Variants in LINGO1 observed in about 807,000 individuals in gnomAD.
The protein encoded by LINGO1 is leucine-rich repeat and immunoglobulin-like domain-containing nogo receptor-interacting protein 1.
LINGO1 carries 11 observed loss-of-function variants against 37.3 expected under a neutral mutation model. The observed-to-expected ratio is 0.29, with a 90% CI of 0.19 to 0.49. LINGO1 has a LOEUF of 0.49. Ranked by LOEUF, LINGO1 falls within the 20% of genes least tolerant of loss-of-function variation. The pLI, the probability that LINGO1 is intolerant of heterozygous loss-of-function variation, is 0.99. For missense variants in LINGO1, 585 were observed against 878.2 expected, an observed-to-expected ratio of 0.67 and a Z score of 4.22; for synonymous variants, 387 against 403.0, an observed-to-expected ratio of 0.96 and a Z score of 0.48.
chr15:77,809,556 A>AT (rs1160486275), intron 1 of LINGO1, among the ~76,000 whole-genome samples: 1 of 152,050 alleles, frequency 6.6e-6, no homozygotes. Flanking sequence ...CCCCGACCCG[A>AT]TTCCTGGACT....
chr15:77,815,550 A>T (rs2077040707), intron 1 of LINGO1, among the ~76,000 whole-genome samples: 1 of 152,230 alleles, frequency 6.6e-6, no homozygotes, highest in African/African-American at 2.4e-5. Context: ...ACAGACACAG[A>T]AACTGAGGCA....
Position 77,717,401 on chromosome 15 carries a change from C to G in LINGO1, c.-195+17591G>C, listed in dbSNP as rs537512687. ...CCCAGGTGCCAGCCAGCCTGTGGGG[C>G]CGCCACATGCATGTAGGAGCCAGTG... is the stretch of plus-strand genomic sequence containing the variant. On this transcript the variant is annotated intron_variant, in intron 2 of 3. Coordinates refer to the LINGO1 transcript ENST00000561686. 4.6e-5 allele frequency among the ~76,000 whole-genome samples: 7 copies of G among 150,802 alleles called. No individual in the cohort carries two copies. The South Asian group carries it at 1.5e-3, about 32-fold the overall frequency.
At chr15:77,647,476 C>A (rs2074659748) in intron 3 of LINGO1, among the ~76,000 whole-genome samples, 1 of 152,100 alleles carries the variant, frequency 6.6e-6, no homozygotes, top group Non-Finnish European at 1.5e-5. Flanking sequence ...AGGATCCTGA[C>A]AGGCAGAGAG....
chr15:77,706,465 C>T (rs545413836), intron 2 of LINGO1, among the ~76,000 whole-genome samples: 1 of 152,270 alleles, frequency 6.6e-6, no homozygotes, highest in East Asian at 1.9e-4. Context: ...ACCCACCCAC[C>T]CTCCTCACTA....
At chr15:77,682,327 A>T (rs1256865399) in intron 2 of LINGO1, among the ~76,000 whole-genome samples, 1 of 122,132 alleles carries the variant, frequency 8.2e-6, no homozygotes, top group African/African-American at 3.4e-5. Flanking sequence ...GTCTCGTCTC[A>T]TACAGTACTT....
chr15:77,654,832 G>T lies in LINGO1; in HGVS notation c.-13+22257C>A, dbSNP rs560786719. Among the ~76,000 whole-genome samples, 3 of 152,324 alleles carry T rather than the reference G, an allele frequency of 2.0e-5. No individual in the cohort carries two copies. In the South Asian group the frequency reaches 6.2e-4, roughly 32 times the overall value. On this transcript the variant is annotated intron_variant, in intron 3 of 3. Transcript: ENST00000559893. ...TCCCTGGTTATTGTAAGAACGAAAT[G>T]AGACGTAAAGATCTTGGCACAGAGT...
At chr15:77,635,439 T>C (rs2074377721), upstream of LINGO1, among the ~76,000 whole-genome samples, 1 of 152,122 alleles carries the variant, frequency 6.6e-6, no homozygotes, top group Non-Finnish European at 1.5e-5. Flanking sequence ...TACCTCTGCA[T>C]GAGCTGTGGA....
intron 1 of LINGO1, among the ~76,000 whole-genome samples, chr15:77,630,492 C>T (rs2074223334): frequency 6.6e-6 from 1 of 152,098 alleles, no homozygotes; most frequent in Admixed American, 6.5e-5. Context: ...AAAACAATAC[C>T]CAATATAGGA....
intron 3 of LINGO1, among the ~76,000 whole-genome samples, chr15:77,658,087 G>A (rs1238708856): frequency 6.6e-6 from 1 of 152,176 alleles, no homozygotes; most frequent in Non-Finnish European, 1.5e-5. Flanking sequence ...CAACGGCCTG[G>A]CCCAGAAATG....
At chr15:77,724,992 G>A (rs895231102) in intron 2 of LINGO1, among the ~76,000 whole-genome samples, 5 of 152,246 alleles carry the variant, frequency 3.3e-5, no homozygotes, top group African/African-American at 1.2e-4. Context: ...CCTCCTCCCA[G>A]GCCTCCCAGT....
chr15:77,632,715 C>A lies in LINGO1; in HGVS notation c.-400G>T, dbSNP rs902661196. 6.9e-6 allele frequency among the ~76,000 whole-genome samples: 1 copy of A among 145,490 alleles called. No homozygotes were observed. The highest frequency in any genetic ancestry group is 6.8e-5 in the Admixed American group (1 of 14,680). ...CCGCGGGGCCGGGGCCGGCGGGCAG[C>A]GGCCGCGCATGCTGCTCGGCGCCCC... On this transcript the variant is annotated 5_prime_UTR_variant, in exon 1 of 2. Transcript: ENST00000355300. The surrounding 1 kb of genome is among the most constrained non-coding windows in gnomAD (Gnocchi z 6.0).
chr15:77,776,867 T>C (rs911448823), intron 1 of LINGO1, among the ~76,000 whole-genome samples: 2 of 152,158 alleles, frequency 1.3e-5, no homozygotes, highest in African/African-American at 4.8e-5. Context: ...GCACTGCTAA[T>C]ACACTCATTT....
chr15:77,742,414 C>T (rs1270296569), intron 1 of LINGO1, among the ~76,000 whole-genome samples: 1 of 152,330 alleles, frequency 6.6e-6, no homozygotes, highest in African/African-American at 2.4e-5. Context: ...AGCTCACCTC[C>T]CTCTCAGCAG....
intron 2 of LINGO1, among the ~76,000 whole-genome samples, chr15:77,719,813 C>A (rs539752851): frequency 2.7e-5 from 4 of 149,722 alleles, no homozygotes; most frequent in South Asian, 4.3e-4. Flanking sequence ...CACACTCACA[C>A]GCTTTCATAC....
At chr15:77,787,108 G>A (rs2076779108), upstream of LINGO1, 1 of 152,150 alleles carries the variant, frequency 6.6e-6, no homozygotes, top group South Asian at 2.1e-4. Context: ...GGGGGTGCCT[G>A]GCTGAAAGGC....
intron 3 of LINGO1, among the ~76,000 whole-genome samples, chr15:77,668,769 G>A (rs2075189431): frequency 6.7e-6 from 1 of 148,484 alleles, no homozygotes; most frequent in Non-Finnish European, 1.5e-5. Flanking sequence ...CAGGGGAGCT[G>A]CCCTGGGGAG....
intron 1 of LINGO1, among the ~76,000 whole-genome samples, chr15:77,771,586 C>T (rs146723203): frequency 6.6e-6 from 1 of 152,250 alleles, no homozygotes; most frequent in African/African-American, 2.4e-5. Flanking sequence ...AAGCCTCCAA[C>T]CTGGTCCCGG....
intron 1 of LINGO1, among the ~76,000 whole-genome samples, chr15:77,766,223 G>C (rs2076526592): frequency 6.6e-6 from 1 of 150,392 alleles, no homozygotes; most frequent in African/African-American, 2.5e-5. Context: ...GCCTCAGCTT[G>C]GGAGATAGAG....
intron 2 of LINGO1, among the ~76,000 whole-genome samples, chr15:77,714,596 C>G (rs2075960770): frequency 6.6e-6 from 1 of 152,246 alleles, no homozygotes; most frequent in African/African-American, 2.4e-5. Flanking sequence ...CATCCCATCA[C>G]TGCACCATTA....
Sources: gnomAD v4.1 joint callset for allele counts (sites outside exome capture counted in the v4.1 genomes callset) on GRCh38, gnomAD v4.1.1 for gene constraint, Gnocchi (gnomAD v3.1) non-coding constraint, MANE v1.5 for transcripts, NCBI Gene and HGNC (gene_info 2026-07-23, HGNC 2026-07-21) for gene names.